Variants in TBL3 observed in about 807,000 individuals in gnomAD.
TBL3 encodes transducin beta-like protein 3.
Under a neutral mutation model 102.7 loss-of-function variants are expected in TBL3, and 71 were observed. That is an observed-to-expected ratio of 0.69 (90% CI 0.57 to 0.84). The LOEUF (loss-of-function observed/expected upper bound fraction) is 0.84, where lower values mean the gene tolerates loss of function less well. TBL3 is among the 40% of genes least tolerant of loss of function. The pLI is 0.00. For missense variants in TBL3, 1,188 were observed against 1,098.5 expected (o/e 1.08, Z -1.15); for synonymous variants, 578 against 477.7 (o/e 1.21, Z -2.74).
chr16:1,976,650 CAG>C (rs1219636961), intron 13 of TBL3, among the ~76,000 whole-genome samples, 162 bp from the exon 14 acceptor site: 2 of 152,132 alleles, frequency 1.3e-5, no homozygotes, highest in African/African-American at 2.4e-5. Flanking sequence ...ACAATGTAGA[CAG>C]GGCTTGATCC....
At position 1,981,875 on chromosome 16, in the gene TBL3, G is replaced by A. The variant is rs1373173100; in HGVS notation, c.*3190G>A. ...GTTCCCCTGCAGTGAGGAGACTTGG[G>A]GTAGGAGAAAGAGGGCCCATCTGTG... On this transcript the variant is annotated 3_prime_UTR_variant, in exon 22 of 22. Transcript: ENST00000568546. 1 of 152,366 alleles carries A rather than the reference G, an allele frequency of 6.6e-6. No individual in the cohort carries two copies. The highest frequency in any genetic ancestry group is 1.5e-5 in the Non-Finnish European group (1 of 68,166). 9.4% of individuals were successfully genotyped at this position (152,366 alleles called of 1,614,324 possible). A position where few individuals can be genotyped will look rare whatever the true frequency, so the allele number is the denominator to read the frequency against.
chr16:1,975,174 G>C lies in TBL3; in HGVS notation c.636-13G>C, dbSNP rs373098120. On this transcript the variant is annotated splice_polypyrimidine_tract_variant and intron_variant, in intron 7 of 21. Transcript: ENST00000568546. ...GGCTAAGACTTGACCTGAGGTTGCCGTTGCTCCTTCAGCTCCGGCCGTGAC... is the reference window on the plus strand; with the variant it reads ...GGCTAAGACTTGACCTGAGGTTGCCCTTGCTCCTTCAGCTCCGGCCGTGAC... The C allele has an allele frequency of 6.2e-7, 1 of 1,613,740 alleles. No homozygotes were observed. The highest frequency in any genetic ancestry group is 8.5e-7 in the Non-Finnish European group (1 of 1,180,010).
chr16:1,979,564 A>T lies in TBL3; in HGVS notation c.*879A>T. 6.3e-7 allele frequency: 1 copy of T among 1,585,796 alleles called. No individual in the cohort carries two copies. Among genetic ancestry groups the T allele is most frequent in the Non-Finnish European group, 8.6e-7 (1 of 1,159,658 alleles). On this transcript the variant is annotated 3_prime_UTR_variant, in exon 22 of 22. Coordinates refer to ENST00000568546, the MANE Select transcript of TBL3 (RefSeq NM_006453.3). The stretch of plus-strand genomic sequence containing the variant: ...GGACCTGGTGGGAGTGGGTGTTTGG[A>T]GTCACCGCGGGGCCACAGAGGACGA...
rs992669311 is a variant in TBL3 at position 1,973,837 on chromosome 16, G to A, written c.42-219G>A. 9.9e-4 allele frequency among the ~76,000 whole-genome samples: 151 copies of A among 152,146 alleles called. 1 individual carries two copies. The highest frequency in any genetic ancestry group is 5.4e-4 in the Non-Finnish European group (37 of 67,994). On this transcript the variant is annotated intron_variant, in intron 1 of 21. Transcript: ENST00000568546. ...CAGGCCCACCCCCTACTGCCTCAGG[G>A]ATCACCAGCCAGCTGCGGGTCTCTA...
In TBL3 at chr16:1,975,196, T is replaced by A. The variant is rs2083390942; in HGVS notation, c.645T>A (p.Arg215=). 6.2e-7 allele frequency: 1 copy of A among 1,613,712 alleles called. No homozygotes were observed. The highest frequency in any genetic ancestry group is 8.5e-7 in the Non-Finnish European group (1 of 1,179,996). The change falls in exon 8 of 22, where the codon CGT becomes CGA. Residue 215 remains arginine (R), a synonymous_variant. Transcript: ENST00000568546. ...ADGHTMLSSG[R]DKICIIWDLQ... ...GCCGTTGCTCCTTCAGCTCCGGCCG[T>A]GACAAGATATGTATCATCTGGGACC...
In TBL3 at chr16:1,976,061, G is replaced by C. The variant is rs757558766; in HGVS notation, c.1135G>C (p.Val379Leu). Reference sequence around the variant, plus strand: ...ACCTCCCCACAACATCTCAGATATCGTCCTGGCCCTGGATGTGTTCCGGAA... The same window carrying C: ...ACCTCCCCACAACATCTCAGATATCCTCCTGGCCCTGGATGTGTTCCGGAA... ...CQILHGHTDI[V>L]LALDVFRKGW... Residue 379 changes from valine to leucine, a missense_variant, in exon 12 of 22, where the codon GTC becomes CTC. Coordinates refer to ENST00000568546, the MANE Select transcript of TBL3 (RefSeq NM_006453.3). 6.2e-7 allele frequency: 1 copy of C among 1,614,144 alleles called. No homozygotes were observed. Among genetic ancestry groups the C allele is most frequent in the Admixed American group, 1.7e-5 (1 of 60,026 alleles).
chr16:1,975,393 G>A lies in TBL3; in HGVS notation c.760G>A (p.Gly254Ser), dbSNP rs2083392693. The A allele has an allele frequency of 2.5e-6, 4 of 1,613,982 alleles. No homozygotes were observed. Among genetic ancestry groups the A allele is most frequent in the East Asian group, 2.2e-5 (1 of 44,890 alleles). The change falls in exon 9 of 22, where the codon GGT (glycine) becomes AGT (serine). Residue 254 changes from glycine to serine, a missense_variant. By Grantham distance (56) the Gly-to-Ser change is moderately conservative (BLOSUM62 0). Coordinates refer to ENST00000568546, the MANE Select transcript of TBL3 (RefSeq NM_006453.3). ...GCCAGAGGAGCCAGTGTCCCAGCTG[G>A]GTGTGAAGTCCCCAGGGCTGTACTT... ...LLPEEPVSQL[G>S]VKSPGLYFLT...
chr16:1,972,358 T>C (rs4325553), intron 1 of TBL3, among the ~76,000 whole-genome samples, 153 bp downstream of exon 1: 24,128 of 152,004 alleles, frequency 0.16, 3,355 homozygotes, highest in African/African-American at 0.36. Context: ...GCGGTGATAC[T>C]AGGCGGGAGA....
Position 1,975,859 on chromosome 16 carries a change from G to C in TBL3, c.1039G>C (p.Asp347His). The C allele has an allele frequency of 6.2e-7, 1 of 1,614,156 alleles. No individual in the cohort carries two copies. The highest frequency in any genetic ancestry group is 8.5e-7 in the Non-Finnish European group (1 of 1,180,024). Residue 347 changes from aspartate (D) to histidine (H), a missense_variant, in exon 11 of 22, where the codon GAC (aspartate) becomes CAC (histidine). Physicochemically the swap from Asp to His is moderately conservative, Grantham distance 81. Transcript: ENST00000568546. ...VLDVRFLGPE[D>H]SHVVVASNSP... ...GGATGTCCGGTTTCTTGGGCCCGAG[G>C]ACTCCCACGTTGTCGTGGCCTCCAA...
In TBL3 at chr16:1,981,439, G is replaced by A; in HGVS notation, c.*2754G>A. 2.4e-6 allele frequency: 2 copies of A among 845,760 alleles called. No individual in the cohort carries two copies. Among genetic ancestry groups the A allele is most frequent in the South Asian group, 2.0e-5 (1 of 50,594 alleles). The allele number at this position is 845,760 out of a possible 1,614,324, so 52.4% of individuals were successfully genotyped here. On this transcript the variant is annotated 3_prime_UTR_variant, in exon 22 of 22. Coordinates refer to ENST00000568546, the MANE Select transcript of TBL3 (RefSeq NM_006453.3). ...AGCTGCTGGGAGGAAGAAGAAGAAT[G>A]AGCTTTCCAGCCCTGGAGGCGTGCA...
chr16:1,977,088 A>G lies in TBL3; in HGVS notation c.1475A>G (p.Lys492Arg), dbSNP rs2083408660. 6.2e-7 allele frequency: 1 copy of G among 1,613,248 alleles called. No homozygotes were observed. Among genetic ancestry groups the G allele is most frequent in the East Asian group, 2.2e-5 (1 of 44,876 alleles). ...INSVAIAPND[K>R]LLATGSQDRT... ...AGCGTGGCTATTGCCCCCAACGACA[A>G]GCTGCTGGCCACAGGCTCACAGGAC... is the stretch of plus-strand genomic sequence containing the variant. Residue 492 changes from lysine (K) to arginine (R), a missense_variant, in exon 15 of 22, where the codon AAG becomes AGG. Transcript: ENST00000568546.
chr16:1,979,324 GGA>G lies in TBL3; in HGVS notation c.*641_*642del. ...CCTTCCGGCCGCAGCAGCACCGCGGGGAGTAGGCCCGCCCGGTCGCCGTACCT... is the reference window on the plus strand; with the variant it reads ...CCTTCCGGCCGCAGCAGCACCGCGGGGTAGGCCCGCCCGGTCGCCGTACCT... On this transcript the variant is annotated 3_prime_UTR_variant, in exon 22 of 22. Transcript: ENST00000568546. 1.3e-6 allele frequency: 2 copies of G among 1,574,868 alleles called. No individual in the cohort carries two copies. Among genetic ancestry groups the G allele is most frequent in the Non-Finnish European group, 1.7e-6 (2 of 1,167,888 alleles).
rs565272609 is a variant in TBL3, at chr16:1,973,349, G to A, written c.42-707G>A. ...AGAGGCTGAGGCAGGAGAATGGCGT[G>A]AACCCGGGAGGTGGAGCTTGCAGTG... On this transcript the variant is annotated intron_variant, in intron 1 of 21. Coordinates refer to ENST00000568546, the MANE Select transcript of TBL3 (RefSeq NM_006453.3). Among the ~76,000 whole-genome samples, 828 of 152,302 alleles carry A rather than the reference G, an allele frequency of 5.4e-3. 3 individuals are homozygous for A. The highest frequency in any genetic ancestry group is 7.4e-3 in the Non-Finnish European group (504 of 68,024).
Position 1,979,003 on chromosome 16 carries a change from C to A in TBL3, c.*318C>A. ...AGGGAGATCCGCCCTCCCCGCTCCT[C>A]CCCAGCCCTGGGATGGCGCGGTCCA... On this transcript the variant is annotated 3_prime_UTR_variant, in exon 22 of 22. Transcript: ENST00000568546. 1 of 1,498,680 alleles carries A rather than the reference C, an allele frequency of 6.7e-7. No homozygotes were observed. Among genetic ancestry groups the A allele is most frequent in the East Asian group, 2.5e-5 (1 of 40,604 alleles). 92.8% of individuals were successfully genotyped at this position (1,498,680 alleles called of 1,614,324 possible).
chr16:1,981,206 C>T lies in TBL3; in HGVS notation c.*2521C>T, dbSNP rs1355111686. 2.5e-6 allele frequency: 4 copies of T among 1,613,102 alleles called. No homozygotes were observed. The African/African-American group carries it at 4.0e-5, about 16-fold the overall frequency. On this transcript the variant is annotated 3_prime_UTR_variant, in exon 22 of 22. Transcript: ENST00000568546. ...GCTGTGGCTTCCAGGCTGCAGATTC[C>T]TGAAATGGGCGAGGACCCTTCTGCC...
rs751827754 is a variant in TBL3 at position 1,975,683 on chromosome 16, G to C, written c.960G>C (p.Glu320Asp). 48 of 1,611,060 alleles carry C rather than the reference G, an allele frequency of 3.0e-5. No individual in the cohort carries two copies. Among genetic ancestry groups the C allele is most frequent in the Admixed American group, 6.7e-5 (4 of 59,986 alleles). The change falls in exon 10 of 22, where the codon GAG (glutamate) becomes GAC (aspartate). Residue 320 changes from glutamate to aspartate, a missense_variant. Physicochemically the swap from Glu to Asp is conservative, Grantham distance 45. Transcript: ENST00000568546. ...ATADHNLLLY[E>D]ARSLRLQKQF... is the part of the protein sequence containing the mutation. The stretch of plus-strand genomic sequence containing the variant: ...CCGACCACAACCTGTTGCTCTACGA[G>C]GCTCGCTCCCTGCGGCTGCAGAAAC...
In TBL3 at chr16:1,975,685, C is replaced by A. The variant is rs757295694; in HGVS notation, c.962C>A (p.Ala321Asp). ...GACCACAACCTGTTGCTCTACGAGGCTCGCTCCCTGCGGCTGCAGAAACAG... is the reference window on the plus strand; with the variant it reads ...GACCACAACCTGTTGCTCTACGAGGATCGCTCCCTGCGGCTGCAGAAACAG... The part of the protein sequence containing the change: ...TADHNLLLYE[A>D]RSLRLQKQFA... Residue 321 changes from alanine to aspartate, a missense_variant, in exon 10 of 22, where the codon GCT becomes GAT. Ala to Asp is a moderately radical substitution (Grantham distance 126). Transcript: ENST00000568546. The A allele has an allele frequency of 1.2e-6, 2 of 1,611,200 alleles. No individual in the cohort carries two copies. Among genetic ancestry groups the A allele is most frequent in the Non-Finnish European group, 8.5e-7 (1 of 1,179,716 alleles).
Position 1,976,123 on chromosome 16 carries a change from C to T in TBL3, c.1188+9C>T, listed in dbSNP as rs375551254. On this transcript the variant is annotated intron_variant, in intron 12 of 21. Transcript: ENST00000568546. ...TTGCCAGCTGTGCCAAGGTGAGGCA[C>T]CCTGAGAGGTAGGGGCAGGGGCACC... is the stretch of plus-strand genomic sequence containing the variant. 2.6e-4 allele frequency: 416 copies of T among 1,613,986 alleles called. No homozygotes were observed. Among genetic ancestry groups the T allele is most frequent in the Non-Finnish European group, 3.1e-4 (366 of 1,180,048 alleles).
intron 1 of TBL3, 106 bp downstream of exon 1, chr16:1,972,311 G>T: frequency 8.4e-7 from 1 of 1,183,580 alleles, no homozygotes; most frequent in Non-Finnish European, 1.1e-6. Context: ...GGAGGCGAGA[G>T]GCTGTGTGTG....
Sources: allele counts gnomAD v4.1 joint callset (sites outside exome capture counted in the v4.1 genomes callset), GRCh38; gene constraint gnomAD v4.1.1; transcripts MANE v1.5; gene names NCBI Gene and HGNC (gene_info 2026-07-23, HGNC 2026-07-21).